The following AATF variants were observed in gnomAD, a reference collection of about 807,000 sequenced individuals.
AATF encodes the protein apoptosis antagonizing transcription factor.
Under a neutral mutation model 63.7 loss-of-function variants are expected in AATF, and 48 were observed. That is an observed-to-expected ratio of 0.75 (90% confidence interval 0.60 to 0.96). AATF has a LOEUF of 0.96. Ranked by LOEUF, AATF falls within the 40% of genes least tolerant of loss-of-function variation. AATF has a pLI of 0.00. For missense variants in AATF, 639 were observed against 685.7 expected, an observed-to-expected ratio of 0.93 and a Z score of 0.76; for synonymous variants, 258 against 247.7, an observed-to-expected ratio of 1.04 and a Z score of -0.39.
intron 11 of AATF, among the ~76,000 whole-genome samples, chr17:37,038,581 AG>A (rs1414565101): frequency 1.3e-5 from 2 of 152,228 alleles, no homozygotes; most frequent in Non-Finnish European, 2.9e-5. Context: ...TGGTACTGTC[AG>A]TTAAAAGTGT....
intron 10 of AATF, among the ~76,000 whole-genome samples, chr17:37,025,018 A>G (rs1370144571): frequency 6.6e-6 from 1 of 152,186 alleles, no homozygotes; most frequent in African/African-American, 2.4e-5. Context: ...TATGAGAGCA[A>G]GGCCTGGAAG....
At chr17:36,997,952 C>T (rs1239766048) in intron 8 of AATF, among the ~76,000 whole-genome samples, 2 of 152,154 alleles carry the variant, frequency 1.3e-5, no homozygotes, top group Non-Finnish European at 2.9e-5. Flanking sequence ...GAGACTATTA[C>T]TCTAAGTGAA....
intron 4 of AATF, among the ~76,000 whole-genome samples, chr17:36,973,900 G>C (rs912864788): frequency 6.6e-6 from 1 of 152,132 alleles, no homozygotes; most frequent in African/African-American, 2.4e-5. Flanking sequence ...GTGAAACCCT[G>C]TCTCTACTAA....
intron 4 of AATF, among the ~76,000 whole-genome samples, chr17:36,961,343 A>G (rs938912008): frequency 3.9e-5 from 6 of 152,246 alleles, no homozygotes; most frequent in South Asian, 2.1e-4. Context: ...AATATAATGC[A>G]AGCCACATGT....
At chr17:37,007,768 A>G (rs1281322507) in intron 8 of AATF, among the ~76,000 whole-genome samples, 1 of 152,150 alleles carries the variant, frequency 6.6e-6, no homozygotes, top group East Asian at 1.9e-4. Context: ...TCAAAGAAGG[A>G]TGGCCAGGAT....
At chr17:36,989,214 T>G in intron 6 of AATF, 33 bp from the exon 7 acceptor site, 2 of 1,580,992 alleles carry the variant, frequency 1.3e-6, no homozygotes, top group Admixed American at 1.7e-5. Flanking sequence ...ACTGATTTTC[T>G]GCATTATCTG....
intron 8 of AATF, among the ~76,000 whole-genome samples, chr17:36,995,604 G>A (rs780112139): frequency 1.3e-5 from 2 of 152,100 alleles, no homozygotes; most frequent in Non-Finnish European, 2.9e-5. Context: ...ATCTCACTCT[G>A]TTGCCCAGGC....
At chr17:36,949,765 G>T (rs2070838140) in intron 1 of AATF, among the ~76,000 whole-genome samples, 1 of 152,204 alleles carries the variant, frequency 6.6e-6, no homozygotes, top group South Asian at 2.1e-4. Flanking sequence ...CTTTAGACTT[G>T]AGTCGGAAGT....
At chr17:36,997,724 G>A (rs2071265042) in intron 8 of AATF, among the ~76,000 whole-genome samples, 1 of 152,154 alleles carries the variant, frequency 6.6e-6, no homozygotes, top group Admixed American at 6.5e-5. Context: ...TCACTACTGG[G>A]TATCTACCCA....
At chr17:37,013,881 A>G (rs2071410494) in intron 8 of AATF, among the ~76,000 whole-genome samples, 1 of 152,120 alleles carries the variant, frequency 6.6e-6, no homozygotes, top group African/African-American at 2.4e-5. Flanking sequence ...CATGCCTTGA[A>G]TATATAAAAT....
At chr17:36,993,503 A>AGTGAT (rs1009381714) in intron 8 of AATF, among the ~76,000 whole-genome samples, 2 of 152,368 alleles carry the variant, frequency 1.3e-5, no homozygotes, top group African/African-American at 4.8e-5. Context: ...AGGCTAAAGA[A>AGTGAT]AATGGCTGTA....
intron 8 of AATF, among the ~76,000 whole-genome samples, chr17:37,012,991 A>G (rs1278092479): frequency 6.6e-6 from 1 of 152,220 alleles, no homozygotes; most frequent in Non-Finnish European, 1.5e-5. Context: ...AAAAGAAAAA[A>G]TTGGACTGTA....
intron 10 of AATF, among the ~76,000 whole-genome samples, chr17:37,024,745 G>A (rs2071498348): frequency 6.6e-6 from 1 of 152,102 alleles, no homozygotes; most frequent in African/African-American, 2.4e-5. Context: ...GATGGCTTGA[G>A]GTCAGAAGTT....
intron 10 of AATF, among the ~76,000 whole-genome samples, chr17:37,028,198 A>G (rs1425615331): frequency 6.6e-6 from 1 of 151,918 alleles, no homozygotes; most frequent in Non-Finnish European, 1.5e-5. Flanking sequence ...GATCACTTGA[A>G]TTTAGGAATT....
chr17:36,972,164 G>A (rs2071044489), intron 4 of AATF, among the ~76,000 whole-genome samples: 1 of 152,038 alleles, frequency 6.6e-6, no homozygotes, highest in Non-Finnish European at 1.5e-5. Flanking sequence ...TAGAGGAATG[G>A]GCCACATCAA....
rs1201152596 is a variant in AATF, at chr17:36,953,221, G to A, written c.619G>A (p.Gly207Ser). 1 of 1,614,192 alleles carries A rather than the reference G, an allele frequency of 6.2e-7. No individual in the cohort carries two copies. The highest frequency in any genetic ancestry group is 2.2e-5 in the East Asian group (1 of 44,886). ...RAGDRNSEDD[G>S]VVMTFSSVKV... ...TGGAGATAGAAACAGTGAGGATGAT[G>A]GTGTGGTGATGACCTTCTCTAGTGT... Residue 207 changes from glycine (G) to serine (S), a missense_variant, in exon 3 of 12, where the codon GGT (glycine) becomes AGT (serine). Coordinates refer to ENST00000619387, the MANE Select transcript of AATF (RefSeq NM_012138.4).
chr17:36,964,425 T>C (rs1475293241), intron 4 of AATF, among the ~76,000 whole-genome samples: 2 of 152,074 alleles, frequency 1.3e-5, no homozygotes, highest in Non-Finnish European at 2.9e-5. Flanking sequence ...GAAAATCACC[T>C]GAACCCAGAA....
At chr17:37,025,496 G>A (rs535277344) in intron 10 of AATF, among the ~76,000 whole-genome samples, 1 of 152,130 alleles carries the variant, frequency 6.6e-6, no homozygotes, top group African/African-American at 2.4e-5. Flanking sequence ...GGCCATTGAC[G>A]GGGGAGGGCA....
chr17:37,029,742 T>A (rs778193584), intron 10 of AATF, among the ~76,000 whole-genome samples: 45 of 151,668 alleles, frequency 3.0e-4, no homozygotes, highest in Admixed American at 5.9e-4. Flanking sequence ...ATTTTTGTAT[T>A]TTTAGTAGAG....
Sources: gnomAD v4.1 joint callset for allele counts (sites outside exome capture counted in the v4.1 genomes callset) on GRCh38, gnomAD v4.1.1 for gene constraint, MANE v1.5 for transcripts, NCBI Gene and HGNC (gene_info 2026-07-23, HGNC 2026-07-21) for gene names.